The following CERT1 variants were observed in gnomAD, a reference collection of about 807,000 sequenced individuals.
CERT1 encodes the protein ceramide transporter 1, also known as ceramide transfer protein.
A neutral mutation model predicts 87.9 loss-of-function variants in CERT1; 31 were observed. That is an observed-to-expected ratio of 0.35 (90% CI 0.27 to 0.48). The LOEUF is 0.48. Among genes scored for constraint, CERT1 ranks in the 20% least tolerant of loss-of-function variants. CERT1 has a pLI of 0.99. For synonymous variants in CERT1, 289 were observed against 250.9 expected, an observed-to-expected ratio of 1.15 and a Z score of -1.44; for missense variants, 487 against 758.0, an observed-to-expected ratio of 0.64 and a Z score of 4.20.
At chr5:75,440,470 A>G (rs746854994) in intron 3 of CERT1, among the ~76,000 whole-genome samples, 1 of 152,140 alleles carries the variant, frequency 6.6e-6, no homozygotes, top group African/African-American at 2.4e-5. Context: ...TCATTCCTGT[A>G]TCATAATTTA....
chr5:75,416,350 A>C (rs1235564775), intron 7 of CERT1, among the ~76,000 whole-genome samples: 1 of 152,198 alleles, frequency 6.6e-6, no homozygotes, highest in Non-Finnish European at 1.5e-5. Flanking sequence ...GCTTCACACT[A>C]GAAACTAAAG....
At chr5:75,466,055 A>G (rs904747618) in intron 2 of CERT1, among the ~76,000 whole-genome samples, 7 of 152,168 alleles carry the variant, frequency 4.6e-5, no homozygotes, top group Non-Finnish European at 7.3e-5. Context: ...TTTGATGATA[A>G]GAATGCCACT....
chr5:75,456,663 C>CAAAA (rs34320476), intron 3 of CERT1, among the ~76,000 whole-genome samples: 488 of 67,560 alleles, frequency 7.2e-3, no homozygotes, highest in East Asian at 9.4e-3. Flanking sequence ...GACCTCATCT[C>CAAAA]AAAAAAAAAA....
chr5:75,445,087 C>T (rs2112259251), intron 3 of CERT1, among the ~76,000 whole-genome samples: 1 of 152,164 alleles, frequency 6.6e-6, no homozygotes, highest in South Asian at 2.1e-4. Context: ...TTCTGTGTGA[C>T]TAAAAAAATA....
intron 3 of CERT1, among the ~76,000 whole-genome samples, chr5:75,448,857 T>C (rs1034647390): frequency 1.3e-5 from 2 of 152,204 alleles, no homozygotes; most frequent in Admixed American, 1.3e-4. Flanking sequence ...TATTTAACTC[T>C]AGATTAACCT....
At chr5:75,407,860 T>G (rs1227946099) in intron 8 of CERT1, among the ~76,000 whole-genome samples, 1 of 151,144 alleles carries the variant, frequency 6.6e-6, no homozygotes, top group East Asian at 1.9e-4. Context: ...GGAATTCTTT[T>G]TTTTTTTTTT....
intron 2 of CERT1, among the ~76,000 whole-genome samples, chr5:75,468,905 C>G (rs79005196): frequency 6.6e-6 from 1 of 152,048 alleles, no homozygotes; most frequent in African/African-American, 2.4e-5. Context: ...AGGAAGGATC[C>G]AGAACAACCA....
At chr5:75,484,222 G>T (rs1403574119) in intron 2 of CERT1, among the ~76,000 whole-genome samples, 1 of 148,504 alleles carries the variant, frequency 6.7e-6, no homozygotes, top group Admixed American at 6.8e-5. Context: ...ATCTACAACA[G>T]ACAACAGACA....
intron 2 of CERT1, among the ~76,000 whole-genome samples, chr5:75,466,621 A>G (rs1765466432): frequency 6.6e-6 from 1 of 152,176 alleles, no homozygotes; most frequent in African/African-American, 2.4e-5. Flanking sequence ...GGAAGTACTC[A>G]TTAGCTAGGT....
intron 7 of CERT1, among the ~76,000 whole-genome samples, chr5:75,414,419 A>C (rs969782021): frequency 1.3e-5 from 2 of 152,230 alleles, no homozygotes; most frequent in Non-Finnish European, 1.5e-5. Flanking sequence ...TTTTAAATGA[A>C]TAAAACAAAA....
rs188123907 is a variant in CERT1 at position 75,424,091 on chromosome 5, T to C, written c.595+1270A>G. Reference sequence around the variant, plus strand: ...AAGTGAAAAAGCTGAAGAACAATGTTGACATCAGCAGTATTTTTGGGACTA... The same window carrying C: ...AAGTGAAAAAGCTGAAGAACAATGTCGACATCAGCAGTATTTTTGGGACTA... On this transcript the variant is annotated intron_variant, in intron 5 of 16. Transcript: ENST00000643780. Among the ~76,000 whole-genome samples, 12 of 152,310 alleles carry C rather than the reference T, an allele frequency of 7.9e-5. No individual in the cohort carries two copies. The East Asian group carries it at 2.3e-3, about 29-fold the overall frequency.
Position 75,511,471 on chromosome 5 carries a change from C to T in CERT1, c.-264G>A, listed in dbSNP as rs956763914. 2 of 1,511,734 alleles carry T rather than the reference C, an allele frequency of 1.3e-6. No individual in the cohort carries two copies. Among genetic ancestry groups the T allele is most frequent in the Non-Finnish European group, 1.8e-6 (2 of 1,130,354 alleles). 93.6% of individuals were successfully genotyped at this position (1,511,734 alleles called of 1,614,324 possible). A position where few individuals can be genotyped will look rare whatever the true frequency, so the allele number is the denominator to read the frequency against. On this transcript the variant is annotated 5_prime_UTR_variant, in exon 1 of 17. Transcript: ENST00000643780. ...GCCGCCGCCGTCGCCGTGACCCCTG[C>T]GTTGCGCCCGGCGCTGCCACCCGAA...
At chr5:75,392,134 A>T (rs914146596) in intron 11 of CERT1, among the ~76,000 whole-genome samples, 1 of 152,214 alleles carries the variant, frequency 6.6e-6, no homozygotes, top group Non-Finnish European at 1.5e-5. Context: ...AGATTCCACA[A>T]ATATAAACGC....
intron 2 of CERT1, among the ~76,000 whole-genome samples, chr5:75,490,567 C>T (rs902657960): frequency 3.5e-4 from 53 of 151,888 alleles, no homozygotes; most frequent in African/African-American, 1.2e-3. Flanking sequence ...GGCGCGATCT[C>T]GGCTCACTGC....
At chr5:75,400,417 C>A in intron 9 of CERT1, 120 bp from the exon 10 acceptor site, 1 of 627,070 alleles carries the variant, frequency 1.6e-6, no homozygotes, top group South Asian at 2.5e-5. Context: ...TGCTTATAAC[C>A]ATTAGAATTA....
intron 6 of CERT1, among the ~76,000 whole-genome samples, chr5:75,417,976 G>C (rs892117938): frequency 2.0e-5 from 3 of 152,178 alleles, no homozygotes; most frequent in African/African-American, 4.8e-5. Flanking sequence ...GACAAACATG[G>C]AGAAACCCCG....
chr5:75,405,717 T>C (rs776368194), intron 8 of CERT1, among the ~76,000 whole-genome samples: 5 of 152,232 alleles, frequency 3.3e-5, no homozygotes, highest in African/African-American at 9.6e-5. Flanking sequence ...ACTACATTCA[T>C]ATAACTTTTT....
intron 2 of CERT1, among the ~76,000 whole-genome samples, chr5:75,488,219 A>C (rs1021721460): frequency 1.3e-5 from 2 of 152,268 alleles, no homozygotes; most frequent in Non-Finnish European, 2.9e-5. Flanking sequence ...TGTAACACAA[A>C]GAAATGATAA....
At chr5:75,432,355 A>C (rs1353551759) in intron 3 of CERT1, among the ~76,000 whole-genome samples, 1 of 152,186 alleles carries the variant, frequency 6.6e-6, no homozygotes, top group Admixed American at 6.5e-5. Flanking sequence ...CGCCCGGCCA[A>C]GCATTCCCTT....
Sources: allele counts gnomAD v4.1 joint callset (sites outside exome capture counted in the v4.1 genomes callset), GRCh38; gene constraint gnomAD v4.1.1; transcripts MANE v1.5; gene names NCBI Gene and HGNC (gene_info 2026-07-23, HGNC 2026-07-21).